The following SLC8A1 variants were observed in gnomAD, a reference collection of about 807,000 sequenced individuals.
SLC8A1 encodes sodium/calcium exchanger 1.
A neutral mutation model predicts 68.3 loss-of-function variants in SLC8A1; 18 were observed. The ratio of observed to expected loss-of-function variants is 0.26; its 90% CI spans 0.18 to 0.39. SLC8A1 has a LOEUF of 0.39. Among genes scored for constraint, SLC8A1 ranks in the 10% least tolerant of loss-of-function variants. SLC8A1 has a pLI of 1.00. For synonymous variants in SLC8A1, 475 were observed against 415.5 expected (o/e 1.14, Z -1.74); for missense variants, 985 against 1,156.7 (o/e 0.85, Z 2.15).
intron 2 of SLC8A1, among the ~76,000 whole-genome samples, chr2:40,357,175 A>G (rs1246485192): frequency 6.6e-6 from 1 of 152,210 alleles, no homozygotes; most frequent in African/African-American, 2.4e-5. Flanking sequence ...TGGAAAAAAC[A>G]TTCAAAAATA....
chr2:40,296,220 T>G (rs2070348340), intron 2 of SLC8A1, among the ~76,000 whole-genome samples: 1 of 152,100 alleles, frequency 6.6e-6, no homozygotes. Flanking sequence ...CTAGAAAAAA[T>G]ACATGCTAGA....
intron 2 of SLC8A1, among the ~76,000 whole-genome samples, chr2:40,406,793 T>C (rs938324081): frequency 5.9e-5 from 9 of 152,158 alleles, no homozygotes; most frequent in Non-Finnish European, 1.0e-4. Context: ...GTAAAAGCAA[T>C]GCTCAGAGAC....
At chr2:40,175,112 G>C in intron 3 of SLC8A1, 149 bp downstream of exon 4, 1 of 810,884 alleles carries the variant, frequency 1.2e-6, no homozygotes, top group Non-Finnish European at 2.0e-6. Flanking sequence ...TAAACTATTT[G>C]ACCTTGACAA....
intron 2 of SLC8A1, among the ~76,000 whole-genome samples, chr2:40,253,538 C>T (rs1361698912): frequency 6.6e-6 from 1 of 151,828 alleles, no homozygotes. Context: ...TTAAAAGAGG[C>T]TAAAGGGCCT....
chr2:40,374,211 T>A (rs1029761992), intron 2 of SLC8A1, among the ~76,000 whole-genome samples: 2 of 152,006 alleles, frequency 1.3e-5, no homozygotes, highest in African/African-American at 4.8e-5. Context: ...AGGAAAACTT[T>A]AAAGAAAAGA....
At chr2:40,372,417 G>A (rs1340479880) in intron 2 of SLC8A1, among the ~76,000 whole-genome samples, 1 of 152,052 alleles carries the variant, frequency 6.6e-6, no homozygotes, top group African/African-American at 2.4e-5. Context: ...CTTTTTAAGT[G>A]GAAGCCACAA....
At chr2:40,161,353 G>C (rs536110655) in intron 5 of SLC8A1, among the ~76,000 whole-genome samples, 1 of 152,170 alleles carries the variant, frequency 6.6e-6, no homozygotes, top group African/African-American at 2.4e-5. Flanking sequence ...CAGGTTGCCT[G>C]CTGCATGGTC....
At chr2:40,406,576 C>A (rs945803712) in intron 2 of SLC8A1, among the ~76,000 whole-genome samples, 11 of 152,126 alleles carry the variant, frequency 7.2e-5, no homozygotes, top group South Asian at 2.1e-4. Context: ...TAAGGGCAGA[C>A]GGTATATTAG....
chr2:40,214,566 C>T (rs972076942), intron 2 of SLC8A1, among the ~76,000 whole-genome samples: 2 of 151,864 alleles, frequency 1.3e-5, no homozygotes, highest in African/African-American at 2.4e-5. Context: ...CTCCGCCTCC[C>T]GAGTAGCTGG....
intron 2 of SLC8A1, among the ~76,000 whole-genome samples, chr2:40,233,060 C>T (rs1478631244): frequency 7.2e-5 from 11 of 152,006 alleles, no homozygotes; most frequent in African/African-American, 1.5e-4. Context: ...AGTAAACATA[C>T]GTGTGCATGT....
At chr2:40,193,032 T>C (rs927583934) in intron 2 of SLC8A1, among the ~76,000 whole-genome samples, 9 of 152,138 alleles carry the variant, frequency 5.9e-5, no homozygotes, top group Non-Finnish European at 1.2e-4. Context: ...TGCTGGCACA[T>C]AGTGTTTGCG....
rs571011279 is a variant in SLC8A1 at position 40,399,274 on chromosome 2, T to C, written c.1808+29199A>G. 6.6e-5 allele frequency among the ~76,000 whole-genome samples: 10 copies of C among 152,184 alleles called. No individual in the cohort carries two copies. The South Asian group carries it at 2.1e-3, about 32-fold the overall frequency. The stretch of plus-strand genomic sequence containing the variant: ...TGCCTTCGGAAAACCAAATACGAGA[T>C]TCACTGACACTGTTTTGTGAGGGCC... On this transcript the variant is annotated intron_variant, in intron 2 of 7. Transcript: ENST00000406785.
At chr2:40,139,997 A>C (rs1362895622) in intron 6 of SLC8A1, among the ~76,000 whole-genome samples, 2 of 152,196 alleles carry the variant, frequency 1.3e-5, no homozygotes, top group Non-Finnish European at 2.9e-5. Flanking sequence ...AAAATGATTT[A>C]TTCCAAAAGG....
chr2:40,141,205 A>G (rs2041496540), intron 6 of SLC8A1, among the ~76,000 whole-genome samples: 1 of 152,202 alleles, frequency 6.6e-6, no homozygotes, highest in Non-Finnish European at 1.5e-5. Context: ...GCCAGCATGG[A>G]GCACACATGT....
Position 40,115,209 on chromosome 2 carries a change from T to C in SLC8A1, c.*44A>G. The C allele has an allele frequency of 2.4e-6, 3 of 1,274,438 alleles. 1 individual carries two copies. Among genetic ancestry groups the C allele is most frequent in the Non-Finnish European group, 3.1e-6 (3 of 967,548 alleles). 78.9% of individuals were successfully genotyped at this position (1,274,438 alleles called of 1,614,324 possible). A position where few individuals can be genotyped will look rare whatever the true frequency, so the allele number is the denominator to read the frequency against. On this transcript the variant is annotated 3_prime_UTR_variant, in exon 8 of 8. Coordinates refer to ENST00000406785, the Ensembl canonical transcript of SLC8A1. ...CTGTCCATTATACATAATTTTTATG[T>C]ATATATATGTATATATATAAATTTA...
At chr2:40,190,222 C>T (rs879743499) in intron 2 of SLC8A1, among the ~76,000 whole-genome samples, 3 of 152,202 alleles carry the variant, frequency 2.0e-5, no homozygotes, top group Admixed American at 2.0e-4. Flanking sequence ...TTATTTTCCA[C>T]TCAACTTCAG....
chr2:40,211,260 C>G (rs2056533722), intron 2 of SLC8A1, among the ~76,000 whole-genome samples: 1 of 152,178 alleles, frequency 6.6e-6, no homozygotes, highest in African/African-American at 2.4e-5. Context: ...CATAACTACA[C>G]TAGTTCTTCC....
chr2:40,399,376 G>GA (rs1333728359), intron 2 of SLC8A1, among the ~76,000 whole-genome samples: 1 of 151,930 alleles, frequency 6.6e-6, no homozygotes, highest in Non-Finnish European at 1.5e-5. Flanking sequence ...GAAGTTTGGG[G>GA]AAAAATCAAC....
chr2:40,215,977 A>G (rs2057410639), intron 2 of SLC8A1, among the ~76,000 whole-genome samples: 1 of 149,118 alleles, frequency 6.7e-6, no homozygotes, highest in African/African-American at 2.5e-5. Flanking sequence ...CCAATGGGTG[A>G]TCATGGGTTG....
Sources: gnomAD v4.1 joint callset for allele counts (sites outside exome capture counted in the v4.1 genomes callset) on GRCh38, gnomAD v4.1.1 for gene constraint, MANE v1.5 for transcripts, NCBI Gene and HGNC (gene_info 2026-07-23, HGNC 2026-07-21) for gene names.